Variants in SYNE1 observed in about 807,000 individuals in gnomAD.
SYNE1 encodes spectrin repeat containing nuclear envelope protein 1.
A neutral mutation model predicts 1,111.0 loss-of-function variants in SYNE1; 616 were observed. The observed-to-expected ratio is 0.55, with a 90% confidence interval of 0.52 to 0.59. The LOEUF is 0.59. Among genes scored for constraint, SYNE1 ranks in the 20% least tolerant of loss-of-function variants. The pLI is 0.00. For synonymous variants in SYNE1, 3,855 were observed against 3,825.8 expected, an observed-to-expected ratio of 1.01 and a Z score of -0.28; for missense variants, 10,006 against 10,417.0, an observed-to-expected ratio of 0.96 and a Z score of 1.72.
At position 152,325,136 on chromosome 6, in the gene SYNE1, T is replaced by A. The variant is rs2096023220; in HGVS notation, c.15605A>T (p.Gln5202Leu). Residue 5202 changes from glutamine to leucine, a missense_variant, in exon 81 of 146, where the codon CAG becomes CTG. This residue lies in a region of SYNE1 where 4,955 missense variants were observed against 5,017.2 expected (regional missense o/e 0.99). Coordinates refer to ENST00000367255, the MANE Select transcript of SYNE1 (RefSeq NM_182961.4). ...CACTGCATCTTCCAGGATCTTCTCC[T>A]GGTCCTGGGCCACAGCTCGAAGGCG... ...WTRLRAVAQD[Q>L]EKILEDAVDE... 6.2e-7 allele frequency: 1 copy of A among 1,614,096 alleles called. No homozygotes were observed. The highest frequency in any genetic ancestry group is 1.1e-5 in the South Asian group (1 of 91,090).
intron 12 of SYNE1, among the ~76,000 whole-genome samples, chr6:152,486,503 T>A (rs2154298405): frequency 6.6e-6 from 1 of 152,350 alleles, no homozygotes; most frequent in East Asian, 1.9e-4. Context: ...TGAACTAGCA[T>A]CTGTATAACA....
intron 46 of SYNE1, 91 bp downstream of exon 46, chr6:152,404,122 C>T (rs200437656): frequency 5.1e-4 from 344 of 678,230 alleles, no homozygotes; most frequent in Non-Finnish European, 7.3e-4. Flanking sequence ...TATATACACA[C>T]ACACACACAC....
intron 33 of SYNE1, chr6:152,435,678 G>A (rs1011633880): frequency 1.1e-5 from 6 of 554,582 alleles, no homozygotes; most frequent in South Asian, 1.1e-4. Flanking sequence ...AAAGGCCACA[G>A]AATAGAATAG....
At chr6:152,135,255 A>G (rs755039529) in intron 141 of SYNE1, 23 bp from the exon 142 acceptor site, 6 of 1,610,586 alleles carry the variant, frequency 3.7e-6, no homozygotes, top group Non-Finnish European at 5.1e-6. Context: ...GTTTAAAGTA[A>G]CTGTAAATAA....
intron 10 of SYNE1, 46 bp from the exon 11 acceptor site, chr6:152,498,838 G>T (rs1039262077): frequency 2.7e-6 from 3 of 1,121,582 alleles, no homozygotes; most frequent in Non-Finnish European, 3.7e-6. Flanking sequence ...TATAAATCAG[G>T]GTCAAAAATT....
chr6:152,581,224 A>C (rs2099518186), intron 3 of SYNE1, among the ~76,000 whole-genome samples: 2 of 152,220 alleles, frequency 1.3e-5, no homozygotes, highest in South Asian at 4.1e-4. Flanking sequence ...GCCTGAATCA[A>C]CTAGGACTTT....
intron 124 of SYNE1, 33 bp downstream of exon 124, chr6:152,211,461 C>T: frequency 6.4e-7 from 1 of 1,566,580 alleles, no homozygotes; most frequent in Non-Finnish European, 8.8e-7. Flanking sequence ...TTTACTGGAA[C>T]CTTTCTTTGT....
intron 3 of SYNE1, among the ~76,000 whole-genome samples, chr6:152,622,069 T>G (rs1466841477): frequency 1.3e-5 from 2 of 152,212 alleles, no homozygotes; most frequent in Non-Finnish European, 2.9e-5. Flanking sequence ...TGTATTTAAC[T>G]ATAATGTTCC....
At chr6:152,218,536 A>C (rs1362756495) in intron 120 of SYNE1, 133 bp from the exon 121 acceptor site, 5 of 1,000,640 alleles carry the variant, frequency 5.0e-6, no homozygotes, top group Admixed American at 4.8e-5. Context: ...CATTCTCTAG[A>C]CGTTCCTATA....
intron 126 of SYNE1, among the ~76,000 whole-genome samples, chr6:152,205,086 T>C (rs765421742): frequency 1.4e-4 from 21 of 152,010 alleles, no homozygotes; most frequent in Non-Finnish European, 2.9e-5. Flanking sequence ...CAGAAGGCAA[T>C]ATATTATTAA....
At chr6:152,633,104 T>A (rs1344523705) in intron 2 of SYNE1, among the ~76,000 whole-genome samples, 1 of 152,154 alleles carries the variant, frequency 6.6e-6, no homozygotes, top group Non-Finnish European at 1.5e-5. Flanking sequence ...ATCAATAAAC[T>A]CACTATTCCC....
intron 97 of SYNE1, among the ~76,000 whole-genome samples, chr6:152,279,147 CTTTTTTT>C (rs59520598): frequency 7.1e-5 from 8 of 112,696 alleles, no homozygotes; most frequent in South Asian, 5.8e-4. Context: ...CTTTTCTTTT[CTTTTTTT>C]TTTTTTTTTT....
At position 152,156,239 on chromosome 6, in the gene SYNE1, C is replaced by T. The variant is rs1039600680; in HGVS notation, c.23791-142G>A. ...TGAATGTATGACATTTATTGAGCCT[C>T]ATTTATGAAATCCAGCAAGCTCAAA... On this transcript the variant is annotated intron_variant, in intron 131 of 145. Coordinates refer to ENST00000367255, the MANE Select transcript of SYNE1 (RefSeq NM_182961.4). 4.1e-6 allele frequency: 4 copies of T among 982,388 alleles called. No homozygotes were observed. In the Admixed American group the frequency reaches 6.5e-5, roughly 16 times the overall value. The allele number at this position is 982,388 out of a possible 1,614,324, so 60.9% of individuals were successfully genotyped here.
At chr6:152,255,320 T>C (rs980767325) in intron 103 of SYNE1, among the ~76,000 whole-genome samples, 1 of 152,206 alleles carries the variant, frequency 6.6e-6, no homozygotes, top group Non-Finnish European at 1.5e-5. Flanking sequence ...ATTTAGGAAT[T>C]TGGTACTTTT....
intron 130 of SYNE1, among the ~76,000 whole-genome samples, chr6:152,170,267 C>T (rs2064855023): frequency 1.3e-5 from 2 of 152,080 alleles, no homozygotes; most frequent in South Asian, 4.2e-4. Flanking sequence ...TACAGAAAAT[C>T]CTAGATAAGT....
At chr6:152,244,420 G>A in intron 106 of SYNE1, 117 bp downstream of exon 106, 1 of 1,512,846 alleles carries the variant, frequency 6.6e-7, no homozygotes, top group Non-Finnish European at 9.1e-7. Flanking sequence ...TGGTAGAAAG[G>A]TTAGGACCTA....
chr6:152,451,466 G>GTTTT (rs1305086325), intron 25 of SYNE1, among the ~76,000 whole-genome samples: 1 of 112,336 alleles, frequency 8.9e-6, no homozygotes, highest in South Asian at 2.9e-4. Flanking sequence ...GCCCTGCACC[G>GTTTT]TATTTTTTTT....
At chr6:152,337,068 T>C (rs773597663) in intron 75 of SYNE1, 51 bp from the exon 76 acceptor site, 1 of 1,573,924 alleles carries the variant, frequency 6.4e-7, no homozygotes, top group South Asian at 1.1e-5. Flanking sequence ...GAAACATTTA[T>C]GGTTAATGAA....
chr6:152,129,580 T>C (rs1162127256), intron 145 of SYNE1: 2 of 151,010 alleles, frequency 1.3e-5, no homozygotes, highest in Non-Finnish European at 3.0e-5. Flanking sequence ...CTCATAAAAT[T>C]GTCTTCAAAC....
Sources: gnomAD v4.1 joint callset for allele counts (sites outside exome capture counted in the v4.1 genomes callset) on GRCh38, gnomAD v4.1.1 for gene constraint, gnomAD v4.1.1 regional missense constraint, MANE v1.5 for transcripts, NCBI Gene and HGNC (gene_info 2026-07-23, HGNC 2026-07-21) for gene names.